Variants in MYH11 observed in about 807,000 individuals in gnomAD.
The protein encoded by MYH11 is myosin-11.
MYH11 carries 80 observed loss-of-function variants against 246.6 expected under a neutral mutation model. The ratio of observed to expected loss-of-function variants is 0.32; its 90% CI spans 0.27 to 0.39. The LOEUF (loss-of-function observed/expected upper bound fraction) is 0.39. Ranked by LOEUF, MYH11 falls within the 10% of genes least tolerant of loss-of-function variation. The pLI, the probability that MYH11 is intolerant of heterozygous loss-of-function variation, is 1.00. For missense variants in MYH11, 2,158 were observed against 2,546.8 expected (o/e 0.85, Z 3.29); for synonymous variants, 1,071 against 1,015.5 (o/e 1.05, Z -1.04).
rs60486632 is a variant in MYH11, at chr16:15,756,793, C to CTTT, written c.1576-282_1576-280dup. On this transcript the variant is annotated intron_variant, in intron 13 of 40. Transcript: ENST00000300036. ...GCAACATCATGAAGAGTTCATAACT[C>CTTT]TTTTTTTTTTTTTTTTTTTTTTGAG... Among the ~76,000 whole-genome samples, 1,078 of 84,538 alleles carry CTTT rather than the reference C, an allele frequency of 0.013. 36 individuals are homozygous for CTTT. The highest frequency in any genetic ancestry group is 0.046 in the African/African-American group (1,034 of 22,656). The allele number at this position is 84,538 out of a possible 152,430, so 55.5% of individuals were successfully genotyped here.
At chr16:15,728,246 C>A (rs2040856995) in intron 27 of MYH11, among the ~76,000 whole-genome samples, 1 of 152,078 alleles carries the variant, frequency 6.6e-6, no homozygotes, top group Non-Finnish European at 1.5e-5. Context: ...CAATCAATAA[C>A]TAACATTCTA....
rs1280293525 is a variant in MYH11, at chr16:15,791,748, A to G, written c.531-5016T>C. 2.1e-5 allele frequency: 3 copies of G among 145,372 alleles called. No individual in the cohort carries two copies. The Admixed American group carries it at 2.2e-4, about 10-fold the overall frequency. The allele number at this position is 145,372 out of a possible 1,614,324, so 9.0% of individuals were successfully genotyped here. A position where few individuals can be genotyped will look rare whatever the true frequency, so the allele number is the denominator to read the frequency against. ...GAGTGCAGTGATGCAATCATAGCTC[A>G]CTGCAGCTGAGAATTCCTAGGCTCA... On this transcript the variant is annotated intron_variant, in intron 4 of 40. Transcript: ENST00000300036.
chr16:15,705,457 C>G (rs1198884730), intron 40 of MYH11, among the ~76,000 whole-genome samples: 1 of 152,194 alleles, frequency 6.6e-6, no homozygotes, highest in Non-Finnish European at 1.5e-5. Context: ...AAGGAAAAAT[C>G]AGATCTGCCT....
chr16:15,826,339 G>A (rs1168122152), intron 2 of MYH11, among the ~76,000 whole-genome samples: 2 of 152,124 alleles, frequency 1.3e-5, no homozygotes, highest in Non-Finnish European at 2.9e-5. Flanking sequence ...TGTAATCCCA[G>A]CACTTTGGGA....
In MYH11 at chr16:15,717,375, G is replaced by A. The variant is rs1182576822; in HGVS notation, c.5296-27C>T. 3 of 1,601,418 alleles carry A rather than the reference G, an allele frequency of 1.9e-6. No individual in the cohort carries two copies. In the Admixed American group the frequency reaches 5.0e-5, roughly 27 times the overall value. On this transcript the variant is annotated intron_variant, in intron 37 of 40. Coordinates refer to ENST00000300036, the MANE Select transcript of MYH11 (RefSeq NM_002474.3). ...TGGGGAGGAGAGTGAAGGCCATGAGGCGGACTCAGGGAAGCCCAAGAGAGC... is the reference window on the plus strand; with the variant it reads ...TGGGGAGGAGAGTGAAGGCCATGAGACGGACTCAGGGAAGCCCAAGAGAGC...
chr16:15,811,640 G>C (rs2043139508), intron 3 of MYH11, among the ~76,000 whole-genome samples: 1 of 152,004 alleles, frequency 6.6e-6, no homozygotes. Context: ...AGCCTCAGGG[G>C]AGTTGGGTGA....
chr16:15,716,996 C>T (rs1193471269), intron 38 of MYH11, 144 bp downstream of exon 38: 8 of 950,968 alleles, frequency 8.4e-6, no homozygotes, highest in South Asian at 6.5e-5. Context: ...GTTCAGTTCT[C>T]ACAACATACC....
chr16:15,721,186 A>G, intron 32 of MYH11, 135 bp from the exon 33 acceptor site: 1 of 1,047,452 alleles, frequency 9.5e-7, no homozygotes, highest in South Asian at 1.4e-5. Context: ...CCGGGACTCA[A>G]GATGACCCCT....
chr16:15,759,488 T>C, intron 12 of MYH11, 88 bp downstream of exon 12: 1 of 1,566,346 alleles, frequency 6.4e-7, no homozygotes, highest in Non-Finnish European at 8.8e-7. Flanking sequence ...GCCATCTACA[T>C]GCCTTTCTCC....
intron 4 of MYH11, among the ~76,000 whole-genome samples, chr16:15,788,255 T>C (rs1165484003): frequency 6.6e-6 from 1 of 151,888 alleles, no homozygotes; most frequent in Non-Finnish European, 1.5e-5. Context: ...TCTTCTTCTA[T>C]TTTTCAGTTT....
rs140550319 is a variant in MYH11, at chr16:15,747,704, G to A, written c.2277C>T (p.Asn759=). The A allele has an allele frequency of 6.2e-7, 1 of 1,614,110 alleles. No homozygotes were observed. Among genetic ancestry groups the A allele is most frequent in the Non-Finnish European group, 8.5e-7 (1 of 1,180,008 alleles). The part of the protein sequence containing the change: ...LMIKALELDP[N]LYRIGQSKIF... ...TTTTGCTCTGCCCTATCCTGTATAAGTTGGGGTCAAGTTCCAGGGCTTTGA... is the reference window on the plus strand; with the variant it reads ...TTTTGCTCTGCCCTATCCTGTATAAATTGGGGTCAAGTTCCAGGGCTTTGA... The change falls in exon 19 of 41, where the codon AAC becomes AAT. Residue 759 remains asparagine, a synonymous_variant. Coordinates refer to ENST00000300036, the MANE Select transcript of MYH11 (RefSeq NM_002474.3).
rs58806731 is a variant in MYH11 at position 15,814,553 on chromosome 16, C to CAAAAAAAAAAAAAAAAA, written c.502+8685_502+8701dup. On this transcript the variant is annotated intron_variant, in intron 3 of 40. Coordinates refer to ENST00000300036, the MANE Select transcript of MYH11 (RefSeq NM_002474.3). ...GGACAACGAGAGTGAAACTCCATCT[C>CAAAAAAAAAAAAAAAAA]AAAAAAAAAAAAAAAAAAAAAAAAA... Among the ~76,000 whole-genome samples the CAAAAAAAAAAAAAAAAA allele has an allele frequency of 3.1e-4, 7 of 22,824 alleles. 1 individual carries two copies. The highest frequency in any genetic ancestry group is 8.1e-4 in the Non-Finnish European group (7 of 8,648). The allele number at this position is 22,824 out of a possible 152,430, so 15.0% of individuals were successfully genotyped here.
chr16:15,800,402 AGAAG>A (rs1373319325), intron 3 of MYH11, among the ~76,000 whole-genome samples: 2 of 151,286 alleles, frequency 1.3e-5, no homozygotes, highest in African/African-American at 4.9e-5. Context: ...ATGGATGGAA[AGAAG>A]GAAGGATGGA....
intron 22 of MYH11, 123 bp from the exon 23 acceptor site, chr16:15,740,311 A>G: frequency 1.4e-6 from 2 of 1,478,670 alleles, no homozygotes; most frequent in Non-Finnish European, 1.9e-6. Context: ...AGCCTCCTAA[A>G]AGGAAGAAAT....
chr16:15,786,681 G>A lies in MYH11; in HGVS notation c.582C>T (p.Tyr194=). ...TGTGGGAGGAGGCCACCACGGCCAGGTACTGAATGACCTTCTTGGTGTTTT... is the reference window on the plus strand; with the variant it reads ...TGTGGGAGGAGGCCACCACGGCCAGATACTGAATGACCTTCTTGGTGTTTT... ...KTENTKKVIQ[Y]LAVVASSHKG... The change falls in exon 5 of 41, where the codon TAC becomes TAT. Residue 194 remains tyrosine, a synonymous_variant. Coordinates refer to ENST00000300036, the MANE Select transcript of MYH11 (RefSeq NM_002474.3). 3 of 1,614,164 alleles carry A rather than the reference G, an allele frequency of 1.9e-6. No individual in the cohort carries two copies. Among genetic ancestry groups the A allele is most frequent in the Non-Finnish European group, 2.5e-6 (3 of 1,180,048 alleles).
Position 15,718,377 on chromosome 16 carries a change from GCTC to G in MYH11, c.5230_5232del (p.Glu1744del), listed in dbSNP as rs1224659472. ...TCCATGTTGCCCTGCTCCTCCTCCA[GCTC>G]CTCCTCCAGCTGGGCGATCCGGGCC... is the stretch of plus-strand genomic sequence containing the variant. On this transcript the variant is annotated inframe_deletion, in exon 37 of 41. Transcript: ENST00000300036. 13 of 1,606,002 alleles carry G rather than the reference GCTC, an allele frequency of 8.1e-6. No homozygotes were observed. Among genetic ancestry groups the G allele is most frequent in the African/African-American group, 2.7e-5 (2 of 74,876 alleles).
At chr16:15,853,079 G>T (rs960881885) in intron 1 of MYH11, among the ~76,000 whole-genome samples, 1 of 152,152 alleles carries the variant, frequency 6.6e-6, no homozygotes, top group African/African-American at 2.4e-5. Flanking sequence ...CTCGCTGGGT[G>T]ATGCTAGGCA....
chr16:15,717,136 A>G lies in MYH11; in HGVS notation c.5504+4T>C. ...ACTGGGTTCGGAACTCCACACCCGC[A>G]TACCTGGCCTCCTGCTCGACCTGCT... On this transcript the variant is annotated splice_donor_region_variant and intron_variant, in intron 38 of 40. Coordinates refer to ENST00000300036, the MANE Select transcript of MYH11 (RefSeq NM_002474.3). 6.2e-7 allele frequency: 1 copy of G among 1,614,160 alleles called. No individual in the cohort carries two copies. Among genetic ancestry groups the G allele is most frequent in the Non-Finnish European group, 8.5e-7 (1 of 1,180,012 alleles).
chr16:15,757,055 C>T (rs12919484), intron 13 of MYH11, among the ~76,000 whole-genome samples: 9,663 of 152,038 alleles, frequency 0.064, 407 homozygotes, highest in African/African-American at 0.12. Flanking sequence ...GCCTCGGCCT[C>T]CCAAAGTGCT....
Sources: allele counts gnomAD v4.1 joint callset (sites outside exome capture counted in the v4.1 genomes callset), GRCh38; gene constraint gnomAD v4.1.1; transcripts MANE v1.5; gene names NCBI Gene and HGNC (gene_info 2026-07-23, HGNC 2026-07-21).